CSMD3: variants seen among roughly 807,000 people sequenced by gnomAD.
CSMD3 encodes the protein CUB and sushi domain-containing protein 3.
A neutral mutation model predicts 435.2 loss-of-function variants in CSMD3; 177 were observed. The observed-to-expected ratio is 0.41, with a 90% CI of 0.36 to 0.46. CSMD3 has a LOEUF of 0.46. CSMD3 is among the 20% of genes least tolerant of loss of function. The pLI is 0.34. For missense variants in CSMD3, 4,265 were observed against 4,504.6 expected, an observed-to-expected ratio of 0.95 and a Z score of 1.52; for synonymous variants, 1,656 against 1,520.5, an observed-to-expected ratio of 1.09 and a Z score of -2.07.
chr8:112,958,798 A>G (rs565724019), intron 7 of CSMD3, among the ~76,000 whole-genome samples: 10 of 152,292 alleles, frequency 6.6e-5, no homozygotes, highest in Admixed American at 2.0e-4. Flanking sequence ...TGTTACAAAA[A>G]CTTTGTAAGT....
In CSMD3 at chr8:112,662,548, T is replaced by G. The variant is rs986663713; in HGVS notation, c.2816+3729A>C. Among the ~76,000 whole-genome samples, 4 of 152,200 alleles carry G rather than the reference T, an allele frequency of 2.6e-5. No individual in the cohort carries two copies. In the South Asian group the frequency reaches 6.2e-4, roughly 24 times the overall value. Reference sequence around the variant, plus strand: ...CAAGATGGATTAAAGACTTAAATGTTAGACCTAAAACCATAAAAACCCTAG... The same window carrying G: ...CAAGATGGATTAAAGACTTAAATGTGAGACCTAAAACCATAAAAACCCTAG... On this transcript the variant is annotated intron_variant, in intron 17 of 70. Coordinates refer to ENST00000297405, the MANE Select transcript of CSMD3 (RefSeq NM_198123.2).
intron 32 of CSMD3, among the ~76,000 whole-genome samples, chr8:112,421,821 T>C (rs1373261314): frequency 6.6e-6 from 1 of 151,560 alleles, no homozygotes; most frequent in African/African-American, 2.4e-5. Context: ...TTTTAAAAGG[T>C]ATAATATTAA....
At chr8:112,776,608 T>C (rs911114810) in intron 13 of CSMD3, among the ~76,000 whole-genome samples, 3 of 151,708 alleles carry the variant, frequency 2.0e-5, no homozygotes, top group Non-Finnish European at 3.0e-5. Context: ...TCTAAAAGGG[T>C]TGGAAAAATT....
At chr8:112,352,626 T>C in intron 38 of CSMD3, 92 bp from the exon 39 acceptor site, 1 of 1,123,752 alleles carries the variant, frequency 8.9e-7, no homozygotes, top group Non-Finnish European at 1.3e-6. Context: ...AATATCAGTG[T>C]CTCATCAAAC....
At chr8:112,744,444 T>C (rs949016880) in intron 13 of CSMD3, among the ~76,000 whole-genome samples, 1 of 152,044 alleles carries the variant, frequency 6.6e-6, no homozygotes, top group African/African-American at 2.4e-5. Flanking sequence ...TAGGAAGACT[T>C]TTTTTGTGTT....
chr8:112,346,252 G>A (rs1825659859), intron 40 of CSMD3, 39 bp from the exon 41 acceptor site: 1 of 1,174,198 alleles, frequency 8.5e-7, no homozygotes, highest in Non-Finnish European at 1.3e-6. Flanking sequence ...CCAGAGTAGA[G>A]GAATAATTTA....
At chr8:112,576,284 T>A (rs1180891165) in intron 23 of CSMD3, among the ~76,000 whole-genome samples, 1 of 151,980 alleles carries the variant, frequency 6.6e-6, no homozygotes, top group East Asian at 1.9e-4. Context: ...AAAGCAAAAA[T>A]TAATGATAGT....
At chr8:112,334,985 T>A (rs548512752) in intron 45 of CSMD3, among the ~76,000 whole-genome samples, 1 of 152,292 alleles carries the variant, frequency 6.6e-6, no homozygotes, top group Admixed American at 6.5e-5. Context: ...TTAAACATTT[T>A]GTATAGGAAA....
At chr8:113,427,653 G>T (rs1319381491) in intron 1 of CSMD3, among the ~76,000 whole-genome samples, 1 of 151,450 alleles carries the variant, frequency 6.6e-6, no homozygotes, top group African/African-American at 2.4e-5. Flanking sequence ...TTAACTAAAG[G>T]ACACTTATGG....
intron 10 of CSMD3, among the ~76,000 whole-genome samples, chr8:112,891,535 T>C (rs1259699877): frequency 2.6e-5 from 4 of 151,368 alleles, no homozygotes; most frequent in African/African-American, 9.7e-5. Flanking sequence ...AGGGAGAGGG[T>C]TCTGATTTTC....
At position 112,442,766 on chromosome 8, in the gene CSMD3, T is replaced by C. The variant is rs184239707; in HGVS notation, c.5395+29825A>G. The stretch of plus-strand genomic sequence containing the variant: ...TGATTGGTAAAACTTCCGTGTCCCA[T>C]TCTTAAAAGAAAAGGACTTTACTTT... On this transcript the variant is annotated intron_variant, in intron 32 of 70. Transcript: ENST00000297405. Among the ~76,000 whole-genome samples the C allele has an allele frequency of 3.2e-3, 494 of 152,274 alleles. 1 individual carries two copies. The highest frequency in any genetic ancestry group is 5.5e-3 in the Non-Finnish European group (373 of 68,028).
At chr8:113,347,277 T>C (rs2094158460) in intron 1 of CSMD3, among the ~76,000 whole-genome samples, 1 of 152,142 alleles carries the variant, frequency 6.6e-6, no homozygotes, top group Non-Finnish European at 1.5e-5. Flanking sequence ...ATTTTCCCTT[T>C]TTTTCTTTGT....
intron 18 of CSMD3, among the ~76,000 whole-genome samples, chr8:112,654,556 T>C (rs2075210012): frequency 6.6e-6 from 1 of 152,200 alleles, no homozygotes; most frequent in African/African-American, 2.4e-5. Flanking sequence ...TAACTTGGAC[T>C]ATGCCACTAA....
intron 38 of CSMD3, among the ~76,000 whole-genome samples, chr8:112,358,260 G>A (rs1345560716): frequency 7.2e-5 from 11 of 152,130 alleles, no homozygotes; most frequent in African/African-American, 1.4e-4. Flanking sequence ...ACTGTATCTC[G>A]GAAGTAAACT....
At chr8:112,365,468 CTTTT>C (rs546920182) in intron 38 of CSMD3, among the ~76,000 whole-genome samples, 22,690 of 112,392 alleles carry the variant, frequency 0.2, 2,511 homozygotes, top group East Asian at 0.38. Flanking sequence ...CATAGATTTC[CTTTT>C]TTTTTTTTTT....
At chr8:112,337,793 A>C (rs938817193) in intron 42 of CSMD3, 62 bp from the exon 43 acceptor site, 2 of 1,301,416 alleles carry the variant, frequency 1.5e-6, no homozygotes, top group Non-Finnish European at 2.2e-6. Flanking sequence ...CAGATAGGGT[A>C]CTACAGCAAT....
chr8:112,593,899 CT>C (rs1301274198), intron 22 of CSMD3, among the ~76,000 whole-genome samples: 1 of 151,754 alleles, frequency 6.6e-6, no homozygotes, highest in Admixed American at 6.6e-5. Context: ...AAGGAAGGGT[CT>C]TTTTGTTTTT....
chr8:113,146,883 G>A (rs2091687633), intron 4 of CSMD3, among the ~76,000 whole-genome samples: 1 of 151,600 alleles, frequency 6.6e-6, no homozygotes, highest in African/African-American at 2.4e-5. Flanking sequence ...CTTGCTAGTT[G>A]ATAAAAATAA....
At chr8:112,586,487 CAA>C (rs923024370) in intron 23 of CSMD3, among the ~76,000 whole-genome samples, 4 of 151,222 alleles carry the variant, frequency 2.6e-5, no homozygotes, top group Non-Finnish European at 4.4e-5. Context: ...TTGATTATTT[CAA>C]AGTGTTTAAA....
Sources: allele counts gnomAD v4.1 joint callset (sites outside exome capture counted in the v4.1 genomes callset), GRCh38; gene constraint gnomAD v4.1.1; transcripts MANE v1.5; gene names NCBI Gene and HGNC (gene_info 2026-07-23, HGNC 2026-07-21).